COL9A3: variants seen among roughly 807,000 people sequenced by gnomAD.
The protein encoded by COL9A3 is collagen alpha-3(IX) chain.
Under a neutral mutation model 110.2 loss-of-function variants are expected in COL9A3, and 82 were observed. The observed-to-expected ratio is 0.74, with a 90% CI of 0.62 to 0.89. The LOEUF is 0.89. COL9A3 is among the 40% of genes least tolerant of loss of function. The probability of loss-of-function intolerance (pLI) is 0.00; values close to 1 mark genes in which losing one functional copy is unlikely to be tolerated. For synonymous variants in COL9A3, 494 were observed against 403.8 expected, an observed-to-expected ratio of 1.22 and a Z score of -2.68; for missense variants, 1,066 against 981.3, an observed-to-expected ratio of 1.09 and a Z score of -1.15.
chr20:62,820,141 T>G (rs1163137906), intron 5 of COL9A3, among the ~76,000 whole-genome samples, 159 bp downstream of exon 5: 4 of 152,118 alleles, frequency 2.6e-5, no homozygotes, highest in Non-Finnish European at 5.9e-5. Context: ...GGGTGCCAAG[T>G]GGCCAGTCCC....
At chr20:62,830,211 G>T in intron 22 of COL9A3, 149 bp from the exon 23 acceptor site, 1 of 940,226 alleles carries the variant, frequency 1.1e-6, no homozygotes. Flanking sequence ...AGGTAGCCCT[G>T]CCTTTGTCCC....
At position 62,819,270 on chromosome 20, in the gene COL9A3, C is replaced by T. The variant is rs1278246259; in HGVS notation, c.232C>T (p.Leu78=). The change falls in exon 4 of 32, where the codon CTG becomes TTG. Residue 78 remains leucine (L), a synonymous_variant. Coordinates refer to ENST00000649368, the MANE Select transcript of COL9A3 (RefSeq NM_001853.4). Reference sequence around the variant, plus strand: ...GCCGGGGAAACCAGGAGAGGCTGGGCTGCCGGGACTGCCGGGTGTGGATGT... The same window carrying T: ...GCCGGGGAAACCAGGAGAGGCTGGGTTGCCGGGACTGCCGGGTGTGGATGT... ...GKPGKPGEAG[L]PGLPGVDGLT... 3.1e-6 allele frequency: 5 copies of T among 1,611,296 alleles called. No individual in the cohort carries two copies. The Admixed American group carries it at 8.3e-5, about 27-fold the overall frequency.
chr20:62,832,618 G>T (rs554974043), intron 25 of COL9A3, among the ~76,000 whole-genome samples: 1 of 118,938 alleles, frequency 8.4e-6, no homozygotes, highest in East Asian at 2.3e-4. Context: ...ATGCATTTCT[G>T]CTGTTCGAAG....
At chr20:62,825,946 C>T in intron 13 of COL9A3, 76 bp downstream of exon 13, 1 of 1,468,118 alleles carries the variant, frequency 6.8e-7, no homozygotes, top group Non-Finnish European at 9.3e-7. Context: ...ACATATCTAC[C>T]CCCGAGGGGG....
At position 62,827,294 on chromosome 20, in the gene COL9A3, C is replaced by T. The variant is rs745808996; in HGVS notation, c.846C>T (p.Leu282=). 10 of 1,612,876 alleles carry T rather than the reference C, an allele frequency of 6.2e-6. No homozygotes were observed. Among genetic ancestry groups the T allele is most frequent in the East Asian group, 2.2e-5 (1 of 44,884 alleles). Residue 282 remains leucine (L), a splice_region_variant and synonymous_variant, in exon 16 of 32, where the codon CTC becomes CTT. Transcript: ENST00000649368. Reference sequence around the variant, plus strand: ...GGTTCCGCGGCCCCAAGGGTGACCTCGTAAGTGAGAGGGAAGTTGGTTCCC... The same window carrying T: ...GGTTCCGCGGCCCCAAGGGTGACCTTGTAAGTGAGAGGGAAGTTGGTTCCC... ...PEGFRGPKGD[L]GRPGPKGTPG...
intron 27 of COL9A3, 67 bp from the exon 28 acceptor site, chr20:62,836,118 AAG>A (rs2063632887): frequency 6.2e-7 from 1 of 1,605,818 alleles, no homozygotes. Flanking sequence ...CCGGCTGGGA[AAG>A]AGCACGTCGG....
chr20:62,821,306 G>T (rs895801560), intron 6 of COL9A3, 90 bp downstream of exon 6: 1 of 1,432,690 alleles, frequency 7.0e-7, no homozygotes, highest in Non-Finnish European at 9.7e-7. Context: ...GGAATCCCAG[G>T]GACCATCCCT....
In COL9A3 at chr20:62,825,017, A is replaced by G. The variant is rs1056439745; in HGVS notation, c.626A>G (p.Glu209Gly). The change falls in exon 12 of 32, where the codon GAG becomes GGG. Residue 209 changes from glutamate (E) to glycine (G), a missense_variant. Glu to Gly is a moderately conservative substitution (Grantham distance 98, BLOSUM62 -2). Coordinates refer to ENST00000649368, the MANE Select transcript of COL9A3 (RefSeq NM_001853.4). ...CAGGGGGAAGTCGGCAAGGACGGCG[A>G]GAAGGTGAAGCTGCCGCACAGCAGC... ...GEQGEVGKDG[E>G]KGDPGPPGPA... The G allele has an allele frequency of 2.5e-6, 4 of 1,606,724 alleles. No homozygotes were observed. Among genetic ancestry groups the G allele is most frequent in the Non-Finnish European group, 1.7e-6 (2 of 1,177,818 alleles).
chr20:62,819,071 G>A (rs1169679751), intron 3 of COL9A3, 151 bp from the exon 4 acceptor site: 18 of 809,888 alleles, frequency 2.2e-5, no homozygotes, highest in South Asian at 5.8e-5. Context: ...CAGCTGAGCC[G>A]GGTCTGCCAG....
chr20:62,839,808 C>T (rs2063661771), intron 31 of COL9A3, among the ~76,000 whole-genome samples: 2 of 150,160 alleles, frequency 1.3e-5, no homozygotes, highest in African/African-American at 2.5e-5. Context: ...CTGTCCTCCC[C>T]TCCATGCACG....
intron 14 of COL9A3, 143 bp from the exon 15 acceptor site, chr20:62,826,624 C>G (rs2063555378): frequency 1.2e-6 from 1 of 846,248 alleles, no homozygotes. Context: ...GATTTGGAGA[C>G]TACTAGGTGG....
intron 26 of COL9A3, among the ~76,000 whole-genome samples, chr20:62,833,496 C>T (rs112621302): frequency 0.028 from 4,164 of 149,000 alleles, 197 homozygotes; most frequent in African/African-American, 0.097. Context: ...CTCCGCCTCC[C>T]GGGTTCACGC....
intron 12 of COL9A3, chr20:62,825,579 C>T (rs1391394088): frequency 1.7e-6 from 1 of 605,502 alleles, no homozygotes; most frequent in Non-Finnish European, 3.0e-6. Context: ...CTGGACAGGG[C>T]TGAAGGGCCT....
intron 10 of COL9A3, 117 bp from the exon 11 acceptor site, chr20:62,824,328 C>A (rs867636900): frequency 9.2e-7 from 1 of 1,090,358 alleles, no homozygotes; most frequent in African/African-American, 1.9e-5. Context: ...GGAGTGGCCT[C>A]CCGGGGTCCC....
At position 62,830,606 on chromosome 20, in the gene COL9A3, C is replaced by G; in HGVS notation, c.1287+18C>G. ...GCGACCGGGTAAGTGGCCCTCTCAG[C>G]AGGAAGCTCCCCTGCACCCCCTCTA... On this transcript the variant is annotated intron_variant, in intron 24 of 31. Coordinates refer to ENST00000649368, the MANE Select transcript of COL9A3 (RefSeq NM_001853.4). 1 of 1,581,390 alleles carries G rather than the reference C, an allele frequency of 6.3e-7. No individual in the cohort carries two copies. The highest frequency in any genetic ancestry group is 8.6e-7 in the Non-Finnish European group (1 of 1,164,994).
chr20:62,816,933 A>C, upstream of COL9A3: 3 of 392,442 alleles, frequency 7.6e-6, no homozygotes, highest in Non-Finnish European at 7.8e-6. Flanking sequence ...CCCCCCGCCC[A>C]GGTGGGCCCG....
chr20:62,828,636 T>C, intron 17 of COL9A3, 128 bp from the exon 18 acceptor site: 2 of 1,085,802 alleles, frequency 1.8e-6, no homozygotes, highest in South Asian at 2.6e-5. Flanking sequence ...TGAAACCAGA[T>C]AACTGCCAGG....
intron 3 of COL9A3, 120 bp from the exon 4 acceptor site, chr20:62,819,102 G>A: frequency 1.0e-6 from 1 of 989,030 alleles, no homozygotes; most frequent in Admixed American, 2.0e-5. Context: ...GGACCCAGGA[G>A]AGGGGCCCAT....
chr20:62,837,381 G>A lies in COL9A3; in HGVS notation c.1786+116G>A, dbSNP rs181375686. 184 of 1,112,920 alleles carry A rather than the reference G, an allele frequency of 1.7e-4. No individual in the cohort carries two copies. In the East Asian group the frequency reaches 3.6e-3, roughly 22 times the overall value. 68.9% of individuals were successfully genotyped at this position (1,112,920 alleles called of 1,614,324 possible). A position where few individuals can be genotyped will look rare whatever the true frequency, so the allele number is the denominator to read the frequency against. ...CGCCCTCAGGGGTAACCCCTGGAAC[G>A]TGGGGGCCTCTCATGTTTTGGGGCC... On this transcript the variant is annotated intron_variant, in intron 30 of 31. Transcript: ENST00000649368.
Sources: allele counts gnomAD v4.1 joint callset (sites outside exome capture counted in the v4.1 genomes callset), GRCh38; gene constraint gnomAD v4.1.1; transcripts MANE v1.5; gene names NCBI Gene and HGNC (gene_info 2026-07-23, HGNC 2026-07-21).